Variants in FAM171A1 observed in about 807,000 individuals in gnomAD.
FAM171A1 encodes the protein family with sequence similarity 171 member A1.
In FAM171A1, 23 loss-of-function variants were observed where a neutral mutation model predicts 74.9. The observed-to-expected ratio is 0.31, with a 90% CI of 0.22 to 0.44. The LOEUF (loss-of-function observed/expected upper bound fraction) is 0.44. Ranked by LOEUF, FAM171A1 falls within the 20% of genes least tolerant of loss-of-function variation. The pLI, the probability that FAM171A1 is intolerant of heterozygous loss-of-function variation, is 1.00. For synonymous variants in FAM171A1, 527 were observed against 505.7 expected (o/e 1.04, Z -0.57); for missense variants, 1,162 against 1,159.2 (o/e 1.00, Z -0.03).
upstream of FAM171A1, among the ~76,000 whole-genome samples, chr10:15,371,338 C>T (rs1229791833): frequency 6.8e-6 from 1 of 146,140 alleles, no homozygotes; most frequent in South Asian, 2.1e-4. Context: ...CGCGCCCAGG[C>T]CCCGGGCCCG....
chr10:15,234,754 G>A (rs1490470926), intron 5 of FAM171A1, among the ~76,000 whole-genome samples: 4 of 151,862 alleles, frequency 2.6e-5, no homozygotes, highest in East Asian at 1.9e-4. Flanking sequence ...TGGGGTTCAC[G>A]CCATTCTCTT....
intron 4 of FAM171A1, among the ~76,000 whole-genome samples, chr10:15,249,636 A>G (rs573018054): frequency 6.6e-6 from 1 of 152,362 alleles, no homozygotes; most frequent in African/African-American, 2.4e-5. Context: ...TGCTTCAAAA[A>G]TATTAACTTC....
intron 1 of FAM171A1, among the ~76,000 whole-genome samples, chr10:15,311,045 C>T (rs1470275978): frequency 6.6e-6 from 1 of 152,184 alleles, no homozygotes; most frequent in Non-Finnish European, 1.5e-5. Flanking sequence ...GGATGGGCTG[C>T]TGGGGCGTAT....
At chr10:15,248,891 T>C in intron 4 of FAM171A1, 76 bp from the exon 5 acceptor site, 1 of 1,368,204 alleles carries the variant, frequency 7.3e-7, no homozygotes, top group South Asian at 1.5e-5. Context: ...TGCAAAAAAA[T>C]AGTCGCAGCT....
chr10:15,374,018 G>T (rs1364812866), upstream of FAM171A1, among the ~76,000 whole-genome samples: 1 of 152,144 alleles, frequency 6.6e-6, no homozygotes, highest in East Asian at 1.9e-4. Flanking sequence ...GATGAGGAAG[G>T]GGCTTTACTG....
chr10:15,355,652 T>G (rs1315643629), intron 1 of FAM171A1, among the ~76,000 whole-genome samples: 1 of 151,842 alleles, frequency 6.6e-6, no homozygotes, highest in Non-Finnish European at 1.5e-5. Flanking sequence ...GAAGTGGAGG[T>G]TGCAGTGAGC....
chr10:15,263,296 T>G (rs1392206597), intron 3 of FAM171A1, among the ~76,000 whole-genome samples: 2 of 151,906 alleles, frequency 1.3e-5, no homozygotes, highest in East Asian at 3.9e-4. Flanking sequence ...ATTCATACAA[T>G]GCCAGCCTCC....
chr10:15,368,844 G>A (rs1325634572), intron 1 of FAM171A1, among the ~76,000 whole-genome samples: 2 of 152,208 alleles, frequency 1.3e-5, no homozygotes, highest in Non-Finnish European at 2.9e-5. Context: ...TCAGTGAGTT[G>A]GGACTGACCT....
chr10:15,303,596 T>C (rs926550664), intron 1 of FAM171A1, among the ~76,000 whole-genome samples: 3 of 152,242 alleles, frequency 2.0e-5, no homozygotes, highest in South Asian at 4.1e-4. Flanking sequence ...TCTCAATTCA[T>C]AATGCTACAA....
chr10:15,233,472 T>C (rs1834235430), intron 5 of FAM171A1, among the ~76,000 whole-genome samples: 1 of 152,008 alleles, frequency 6.6e-6, no homozygotes, highest in African/African-American at 2.4e-5. Flanking sequence ...CAGACACTTC[T>C]GTGGAAGCTT....
chr10:15,284,480 G>A lies in FAM171A1; in HGVS notation c.98-375C>T, dbSNP rs563866598. The stretch of plus-strand genomic sequence containing the variant: ...CTCTGTTGCACAGGCTGGAGTACAG[G>A]TGCGTGATGATGGCTCACTGCAGTC... On this transcript the variant is annotated intron_variant, in intron 1 of 7. Transcript: ENST00000378116. Among the ~76,000 whole-genome samples, 17 of 152,136 alleles carry A rather than the reference G, an allele frequency of 1.1e-4. No homozygotes were observed. In the South Asian group the frequency reaches 3.3e-3, roughly 30 times the overall value.
chr10:15,341,167 A>G (rs1047046131), intron 1 of FAM171A1, among the ~76,000 whole-genome samples: 1 of 152,254 alleles, frequency 6.6e-6, no homozygotes, highest in African/African-American at 2.4e-5. Flanking sequence ...CATGGACTAG[A>G]AACCTGTATA....
chr10:15,307,410 T>C (rs879289387), intron 1 of FAM171A1, among the ~76,000 whole-genome samples: 4 of 151,918 alleles, frequency 2.6e-5, no homozygotes, highest in Non-Finnish European at 5.9e-5. Context: ...TTTGGAAGGT[T>C]GAGGCGGGTG....
Position 15,300,481 on chromosome 10 carries a change from G to C in FAM171A1, c.98-16376C>G, listed in dbSNP as rs527640247. On this transcript the variant is annotated intron_variant, in intron 1 of 7. Coordinates refer to ENST00000378116, the MANE Select transcript of FAM171A1 (RefSeq NM_001010924.2). ...TGGTGACTTTGTGAGGTGCCTGCTA[G>C]CAACAAAAGTATTCCTGATCTTTCC... is the stretch of plus-strand genomic sequence containing the variant. Among the ~76,000 whole-genome samples the C allele has an allele frequency of 1.3e-3, 202 of 152,230 alleles. 1 individual carries two copies. Among genetic ancestry groups the C allele is most frequent in the African/African-American group, 4.7e-3 (194 of 41,540 alleles).
At chr10:15,369,700 G>A (rs1195498270) in intron 1 of FAM171A1, among the ~76,000 whole-genome samples, 1 of 152,156 alleles carries the variant, frequency 6.6e-6, no homozygotes, top group Non-Finnish European at 1.5e-5. Context: ...TTTCCTCCCC[G>A]TAGCAACATC....
At chr10:15,257,337 G>GA (rs1834593161) in intron 3 of FAM171A1, among the ~76,000 whole-genome samples, 2 of 152,258 alleles carry the variant, frequency 1.3e-5, no homozygotes, top group African/African-American at 4.8e-5. Context: ...AGACAAGGGG[G>GA]AGCCGGGGAA....
chr10:15,318,193 G>A (rs530296883), intron 1 of FAM171A1, among the ~76,000 whole-genome samples: 3 of 152,336 alleles, frequency 2.0e-5, no homozygotes, highest in Middle Eastern at 3.4e-3. Flanking sequence ...CAGGAGAGGG[G>A]TGTGATGAGA....
chr10:15,283,843 C>A lies in FAM171A1; in HGVS notation c.325+35G>T, dbSNP rs1311164958. The A allele has an allele frequency of 4.4e-6, 7 of 1,603,050 alleles. No homozygotes were observed. The East Asian group carries it at 1.3e-4, about 31-fold the overall frequency. On this transcript the variant is annotated intron_variant, in intron 2 of 7. Transcript: ENST00000378116. ...TATGCGATCCTCCCACCAGCCAATG[C>A]CCTCTGTGTTAAAGAAAGATGAGGA...
Position 15,332,600 on chromosome 10 carries a change from C to T in FAM171A1, c.97+38356G>A, listed in dbSNP as rs60756777. 2.8e-3 allele frequency among the ~76,000 whole-genome samples: 426 copies of T among 152,240 alleles called. 1 individual carries two copies. The highest frequency in any genetic ancestry group is 9.7e-3 in the African/African-American group (402 of 41,544). On this transcript the variant is annotated intron_variant, in intron 1 of 7. Coordinates refer to ENST00000378116, the MANE Select transcript of FAM171A1 (RefSeq NM_001010924.2). ...AAAGGCCTTCATATGATAGAGTTTG[C>T]CAACCTGTAATGATGAGTGTCATGA...
Sources: gnomAD v4.1 joint callset for allele counts (sites outside exome capture counted in the v4.1 genomes callset) on GRCh38, gnomAD v4.1.1 for gene constraint, MANE v1.5 for transcripts, NCBI Gene and HGNC (gene_info 2026-07-23, HGNC 2026-07-21) for gene names.